SCRG1: variants seen among roughly 807,000 people sequenced by gnomAD.
The protein encoded by SCRG1 is scrapie-responsive protein 1.
A neutral mutation model predicts 7.7 loss-of-function variants in SCRG1; 3 were observed. That is an observed-to-expected ratio of 0.39 (90% confidence interval 0.18 to 1.01). The LOEUF (loss-of-function observed/expected upper bound fraction) is 1.01. Among genes scored for constraint, SCRG1 ranks in the 50% least tolerant of loss-of-function variants. The pLI is 0.36. For missense variants in SCRG1, 110 were observed against 117.2 expected (o/e 0.94, Z 0.28); for synonymous variants, 46 against 41.2 (o/e 1.12, Z -0.44).
At chr4:173,395,595 A>G (rs1044258427) in intron 1 of SCRG1, among the ~76,000 whole-genome samples, 1 of 152,204 alleles carries the variant, frequency 6.6e-6, no homozygotes, top group Non-Finnish European at 1.5e-5. Flanking sequence ...GACAAACCTC[A>G]CACTCATATC....
chr4:173,495,136 T>C, the SCRG1 span, among the ~76,000 whole-genome samples: 1 of 152,130 alleles, frequency 6.6e-6, no homozygotes, highest in African/African-American at 2.4e-5. Flanking sequence ...GGCAGGAGAG[T>C]GCCTTAGACA....
chr4:173,458,290 T>G, the SCRG1 span, among the ~76,000 whole-genome samples: 3 of 152,210 alleles, frequency 2.0e-5, no homozygotes, highest in South Asian at 6.2e-4. Flanking sequence ...TAATAGTGAC[T>G]AATTGTTTGG....
chr4:173,415,189 T>C, the SCRG1 span, among the ~76,000 whole-genome samples: 1 of 152,322 alleles, frequency 6.6e-6, no homozygotes, highest in African/African-American at 2.4e-5. Context: ...AAATAGGAGA[T>C]GCATTCACTG....
upstream of SCRG1, among the ~76,000 whole-genome samples, chr4:173,406,889 G>A (rs1739919775): frequency 6.6e-6 from 1 of 152,054 alleles, no homozygotes; most frequent in Non-Finnish European, 1.5e-5. Flanking sequence ...GGACATCTTG[G>A]TTGCGTACAG....
chr4:173,412,944 C>T, the SCRG1 span, among the ~76,000 whole-genome samples: 2 of 152,114 alleles, frequency 1.3e-5, no homozygotes, highest in African/African-American at 4.8e-5. Context: ...TACTCAATTT[C>T]CCCCATCTGT....
At chr4:173,513,219 T>C in the SCRG1 span, among the ~76,000 whole-genome samples, 4 of 152,224 alleles carry the variant, frequency 2.6e-5, no homozygotes, top group African/African-American at 9.6e-5. Flanking sequence ...TTACTTCTTT[T>C]ATTTCTCTTT....
chr4:173,438,717 T>A, the SCRG1 span, among the ~76,000 whole-genome samples: 1 of 151,934 alleles, frequency 6.6e-6, no homozygotes, highest in African/African-American at 2.4e-5. Context: ...TCAATAAATC[T>A]TTTTTTTAAT....
chr4:173,514,017 C>T, the SCRG1 span, among the ~76,000 whole-genome samples: 13 of 152,156 alleles, frequency 8.5e-5, no homozygotes, highest in African/African-American at 3.1e-4. Context: ...ATATATTCCA[C>T]ATAATACCAC....
At chr4:173,432,072 T>C in the SCRG1 span, among the ~76,000 whole-genome samples, 14 of 152,238 alleles carry the variant, frequency 9.2e-5, no homozygotes, top group Non-Finnish European at 2.9e-5. Flanking sequence ...TTAGCATAAC[T>C]TGATGAGGAT....
At chr4:173,396,310 G>C (rs889187609) in intron 1 of SCRG1, among the ~76,000 whole-genome samples, 5 of 152,216 alleles carry the variant, frequency 3.3e-5, no homozygotes, top group Admixed American at 3.3e-4. Context: ...ATACAAATTT[G>C]AGAGTAATCA....
upstream of SCRG1, among the ~76,000 whole-genome samples, chr4:173,407,551 A>T (rs989607086): frequency 6.6e-6 from 1 of 152,114 alleles, no homozygotes; most frequent in African/African-American, 2.4e-5. Flanking sequence ...AAAAAAAGAG[A>T]GTAGAGGTGC....
chr4:173,447,941 C>T, the SCRG1 span, among the ~76,000 whole-genome samples: 1 of 152,004 alleles, frequency 6.6e-6, no homozygotes, highest in East Asian at 1.9e-4. Flanking sequence ...TCTGTCTCTA[C>T]TAAAAATACA....
chr4:173,478,616 G>A, the SCRG1 span, among the ~76,000 whole-genome samples: 1 of 151,976 alleles, frequency 6.6e-6, no homozygotes, highest in South Asian at 2.1e-4. Context: ...CTTCACCCTG[G>A]GAATTAAAGG....
chr4:173,454,826 T>C, the SCRG1 span, among the ~76,000 whole-genome samples: 2 of 152,136 alleles, frequency 1.3e-5, no homozygotes, highest in African/African-American at 2.4e-5. Flanking sequence ...CCAGGTTCAA[T>C]GTGAGAAAGT....
chr4:173,392,356 A>G (rs1739473863), intron 1 of SCRG1, among the ~76,000 whole-genome samples: 2 of 152,228 alleles, frequency 1.3e-5, no homozygotes, highest in African/African-American at 2.4e-5. Context: ...TTCCTGCGTT[A>G]TAATCATCTA....
the SCRG1 span, among the ~76,000 whole-genome samples, chr4:173,489,413 G>C: frequency 6.6e-6 from 1 of 152,142 alleles, no homozygotes; most frequent in African/African-American, 2.4e-5. Flanking sequence ...TTTGTCATAA[G>C]GAGAGCAATC....
At chr4:173,393,379 T>C (rs1739507902) in intron 1 of SCRG1, among the ~76,000 whole-genome samples, 1 of 152,170 alleles carries the variant, frequency 6.6e-6, no homozygotes, top group South Asian at 2.1e-4. Context: ...CCTCCAAACA[T>C]TAGTGAAAGA....
At chr4:173,506,617 A>AGG in the SCRG1 span, among the ~76,000 whole-genome samples, 48 of 152,130 alleles carry the variant, frequency 3.2e-4, no homozygotes, top group Non-Finnish European at 4.3e-4. The surrounding 1 kb of genome is among the most constrained non-coding windows in gnomAD (Gnocchi z 5.3). Context: ...TCCTGAGGGT[A>AGG]GGGGCGGGCA....
At chr4:173,431,744 T>C in the SCRG1 span, among the ~76,000 whole-genome samples, 1 of 152,244 alleles carries the variant, frequency 6.6e-6, no homozygotes, top group African/African-American at 2.4e-5. Context: ...TGTCTGATCA[T>C]CTTCCCAATG....
Sources: gnomAD v4.1 joint callset for allele counts (sites outside exome capture counted in the v4.1 genomes callset) on GRCh38, gnomAD v4.1.1 for gene constraint, Gnocchi (gnomAD v3.1) non-coding constraint, MANE v1.5 for transcripts, NCBI Gene and HGNC (gene_info 2026-07-23, HGNC 2026-07-21) for gene names.